The following ADAMTSL1 variants were observed in gnomAD, a reference collection of about 807,000 sequenced individuals.
ADAMTSL1 encodes ADAMTS-like protein 1.
Under a neutral mutation model 201.8 loss-of-function variants are expected in ADAMTSL1, and 126 were observed. The observed-to-expected ratio is 0.62, with a 90% CI of 0.54 to 0.72. The LOEUF (loss-of-function observed/expected upper bound fraction) is 0.72, where lower values mean the gene tolerates loss of function less well. Ranked by LOEUF, ADAMTSL1 falls within the 30% of genes least tolerant of loss-of-function variation. The probability of loss-of-function intolerance (pLI) is 0.00; values close to 1 mark genes in which losing one functional copy is unlikely to be tolerated. For missense variants in ADAMTSL1, 2,679 were observed against 2,277.8 expected, an observed-to-expected ratio of 1.18 and a Z score of -3.59; for synonymous variants, 1,121 against 903.4, an observed-to-expected ratio of 1.24 and a Z score of -4.32.
chr9:17,964,803 C>T (rs1817914482), intron 1 of ADAMTSL1, among the ~76,000 whole-genome samples: 1 of 152,102 alleles, frequency 6.6e-6, no homozygotes, highest in Admixed American at 6.6e-5. Flanking sequence ...TATTTCGTGG[C>T]TTTCTTTTGG....
intron 1 of ADAMTSL1, among the ~76,000 whole-genome samples, chr9:18,023,711 A>G (rs1217933069): frequency 6.6e-6 from 1 of 152,112 alleles, no homozygotes; most frequent in Admixed American, 6.6e-5. Flanking sequence ...TCAGGTTAGG[A>G]CATTTGTGTC....
At chr9:18,525,705 A>G (rs768600269) in intron 2 of ADAMTSL1, among the ~76,000 whole-genome samples, 6 of 152,176 alleles carry the variant, frequency 3.9e-5, no homozygotes, top group Non-Finnish European at 7.3e-5. Flanking sequence ...TTTTGTACCC[A>G]GTAGTCATTC....
chr9:18,554,976 C>T (rs1185762183), intron 3 of ADAMTSL1, among the ~76,000 whole-genome samples: 3 of 151,878 alleles, frequency 2.0e-5, no homozygotes, highest in Non-Finnish European at 4.4e-5. Context: ...TCTGTAGTAT[C>T]ATACAGGATA....
intron 26 of ADAMTSL1, among the ~76,000 whole-genome samples, chr9:18,894,872 A>C (rs1829520287): frequency 6.6e-6 from 1 of 152,186 alleles, no homozygotes; most frequent in Non-Finnish European, 1.5e-5. Flanking sequence ...GGAACACAAC[A>C]CTAATTAAAC....
intron 2 of ADAMTSL1, among the ~76,000 whole-genome samples, chr9:18,201,006 C>T (rs912190766): frequency 1.3e-5 from 2 of 151,922 alleles, no homozygotes; most frequent in Non-Finnish European, 2.9e-5. Flanking sequence ...AAATCTTTCT[C>T]AACAGTGAGG....
intron 1 of ADAMTSL1, among the ~76,000 whole-genome samples, chr9:18,105,923 G>A (rs998131304): frequency 2.6e-5 from 4 of 152,276 alleles, no homozygotes; most frequent in South Asian, 4.2e-4. Flanking sequence ...TAACTCAGCC[G>A]AAGAACAGGT....
intron 4 of ADAMTSL1, 142 bp downstream of exon 4, chr9:18,574,408 G>C (rs1341069): frequency 0.29 from 242,800 of 823,238 alleles, 38,001 homozygotes; most frequent in Admixed American, 0.39. Context: ...GAAAATTAAG[G>C]TATGATTTCA....
rs201291813 is a variant in ADAMTSL1, at chr9:18,574,304, G to A, written c.474+38G>A. ...TTGTTCTCATTCAACTTGTCCAGAG[G>A]GTTTCAATGTCTTTGTGTAAATGGT... is the stretch of plus-strand genomic sequence containing the variant. On this transcript the variant is annotated intron_variant, in intron 4 of 28. Coordinates refer to ENST00000380548, the MANE Select transcript of ADAMTSL1 (RefSeq NM_001040272.6). 205 of 1,541,976 alleles carry A rather than the reference G, an allele frequency of 1.3e-4. 1 individual carries two copies. The highest frequency in any genetic ancestry group is 1.7e-4 in the Non-Finnish European group (195 of 1,114,672).
chr9:18,415,896 T>C (rs995981595), intron 2 of ADAMTSL1, among the ~76,000 whole-genome samples: 9 of 151,986 alleles, frequency 5.9e-5, no homozygotes, highest in African/African-American at 2.2e-4. Flanking sequence ...TGGAGCAGTA[T>C]TTGTAAAATA....
At chr9:18,787,926 ACT>A (rs1821796464) in intron 19 of ADAMTSL1, among the ~76,000 whole-genome samples, 1 of 152,078 alleles carries the variant, frequency 6.6e-6, no homozygotes, top group African/African-American at 2.4e-5. Context: ...CAAATTCAAG[ACT>A]CTATGAACTT....
At chr9:17,969,684 CAT>C (rs1281678605) in intron 1 of ADAMTSL1, among the ~76,000 whole-genome samples, 1 of 151,962 alleles carries the variant, frequency 6.6e-6, no homozygotes, top group Non-Finnish European at 1.5e-5. Context: ...AGATTAAACA[CAT>C]GTCTAATCTA....
intron 23 of ADAMTSL1, among the ~76,000 whole-genome samples, chr9:18,860,981 C>T (rs1380595677): frequency 6.6e-6 from 1 of 152,210 alleles, no homozygotes; most frequent in Non-Finnish European, 1.5e-5. Flanking sequence ...TTAGTTCTCA[C>T]TTCCATTCGT....
intron 1 of ADAMTSL1, among the ~76,000 whole-genome samples, chr9:17,980,039 G>T (rs1818623984): frequency 6.6e-6 from 1 of 152,100 alleles, no homozygotes; most frequent in Non-Finnish European, 1.5e-5. Context: ...AAAGTTTTGT[G>T]CTAACTTCAC....
chr9:18,684,566 T>C, intron 12 of ADAMTSL1, 150 bp from the exon 13 acceptor site: 7 of 764,728 alleles, frequency 9.2e-6, no homozygotes, highest in Non-Finnish European at 1.2e-5. Flanking sequence ...TTTTTCTAGA[T>C]ATAACCATCA....
At chr9:17,949,963 G>A (rs757126000) in intron 1 of ADAMTSL1, among the ~76,000 whole-genome samples, 1 of 152,080 alleles carries the variant, frequency 6.6e-6, no homozygotes, top group Admixed American at 6.6e-5. Context: ...CTGTCACCCA[G>A]GCTGGAGTGC....
chr9:18,643,184 C>T (rs1256994485), intron 7 of ADAMTSL1, among the ~76,000 whole-genome samples: 2 of 152,024 alleles, frequency 1.3e-5, no homozygotes, highest in South Asian at 2.1e-4. Context: ...TGATGTTGAG[C>T]ATTTTTAAAT....
At chr9:17,914,453 C>T (rs548407919) in intron 1 of ADAMTSL1, among the ~76,000 whole-genome samples, 7 of 152,258 alleles carry the variant, frequency 4.6e-5, no homozygotes, top group Non-Finnish European at 1.0e-4. Context: ...CAGAAAAGGC[C>T]TTTGACAAAA....
chr9:18,335,200 A>G (rs1418300258), intron 2 of ADAMTSL1, among the ~76,000 whole-genome samples: 1 of 152,166 alleles, frequency 6.6e-6, no homozygotes, highest in Non-Finnish European at 1.5e-5. Flanking sequence ...ACATATTTAC[A>G]TATTTGTTTT....
intron 2 of ADAMTSL1, among the ~76,000 whole-genome samples, chr9:18,270,319 A>G (rs1416050768): frequency 6.6e-6 from 1 of 152,090 alleles, no homozygotes; most frequent in Non-Finnish European, 1.5e-5. Flanking sequence ...CCCCAATACC[A>G]TCATCGAGAG....
Sources: allele counts gnomAD v4.1 joint callset (sites outside exome capture counted in the v4.1 genomes callset), GRCh38; gene constraint gnomAD v4.1.1; transcripts MANE v1.5; gene names NCBI Gene and HGNC (gene_info 2026-07-23, HGNC 2026-07-21).